SUPT3H: variants seen among roughly 807,000 people sequenced by gnomAD.
SUPT3H encodes the protein transcription initiation protein SPT3 homolog.
SUPT3H carries 44 observed loss-of-function variants against 44.3 expected under a neutral mutation model. That is an observed-to-expected ratio of 0.99 (90% CI 0.78 to 1.28). The LOEUF (loss-of-function observed/expected upper bound fraction) is 1.28, where lower values mean the gene tolerates loss of function less well. Among genes scored for constraint, SUPT3H ranks in the 50% most tolerant of loss-of-function variants. The pLI is 0.00. For synonymous variants in SUPT3H, 124 were observed against 125.6 expected, an observed-to-expected ratio of 0.99 and a Z score of 0.09; for missense variants, 380 against 387.1, an observed-to-expected ratio of 0.98 and a Z score of 0.15.
At chr6:44,858,953 G>GAA (rs927814490) in intron 10 of SUPT3H, among the ~76,000 whole-genome samples, 1 of 151,970 alleles carries the variant, frequency 6.6e-6, no homozygotes, top group Non-Finnish European at 1.5e-5. Flanking sequence ...AAAGATAAAA[G>GAA]AAAAAAAGAA....
intron 3 of SUPT3H, among the ~76,000 whole-genome samples, chr6:45,090,904 T>A (rs936016885): frequency 3.9e-5 from 6 of 152,028 alleles, no homozygotes; most frequent in Admixed American, 1.3e-4. Flanking sequence ...TCTAGTGATC[T>A]TCTTAATAAA....
intron 7 of SUPT3H, among the ~76,000 whole-genome samples, chr6:44,960,469 C>CAAACAAAA (rs1035595593): frequency 1.4e-5 from 2 of 139,010 alleles, no homozygotes; most frequent in Non-Finnish European, 3.2e-5. Context: ...CAAAAACAAA[C>CAAACAAAA]AAACAAAAAA....
At chr6:45,207,477 TG>T (rs1017824024) in intron 2 of SUPT3H, among the ~76,000 whole-genome samples, 4 of 152,116 alleles carry the variant, frequency 2.6e-5, no homozygotes, top group African/African-American at 9.7e-5. Context: ...AGCAAGGTAA[TG>T]GGATGGTAAA....
intron 5 of SUPT3H, among the ~76,000 whole-genome samples, chr6:45,014,144 T>C (rs1398514724): frequency 1.3e-5 from 2 of 152,112 alleles, no homozygotes; most frequent in African/African-American, 2.4e-5. Context: ...TTATAATTTC[T>C]ATCAACTGTT....
chr6:44,985,426 C>T (rs1428979614), intron 6 of SUPT3H, among the ~76,000 whole-genome samples: 3 of 151,728 alleles, frequency 2.0e-5, no homozygotes, highest in Non-Finnish European at 4.4e-5. Context: ...GATATAGAAT[C>T]TCCCAATTCA....
intron 2 of SUPT3H, among the ~76,000 whole-genome samples, chr6:45,349,502 A>C (rs1254616534): frequency 6.6e-6 from 1 of 152,200 alleles, no homozygotes; most frequent in Non-Finnish European, 1.5e-5. Flanking sequence ...TTTGAAAGGC[A>C]AATTGCTGAG....
intron 3 of SUPT3H, among the ~76,000 whole-genome samples, chr6:45,054,068 C>T (rs985772809): frequency 1.3e-5 from 2 of 151,830 alleles, no homozygotes; most frequent in Non-Finnish European, 2.9e-5. Context: ...TGCTAAGTTC[C>T]CTTCAGTTTA....
chr6:45,172,619 G>A (rs1403807472), intron 2 of SUPT3H, among the ~76,000 whole-genome samples: 1 of 146,488 alleles, frequency 6.8e-6, no homozygotes, highest in African/African-American at 2.5e-5. Flanking sequence ...TTGAAATGGA[G>A]TCTGCTCTGT....
At chr6:44,844,195 C>T (rs1771484259) in intron 10 of SUPT3H, among the ~76,000 whole-genome samples, 1 of 152,044 alleles carries the variant, frequency 6.6e-6, no homozygotes, top group Non-Finnish European at 1.5e-5. Context: ...CATCCATATG[C>T]AAAAAAGTGA....
rs140070231 is a variant in SUPT3H, at chr6:45,119,959, C to T, written c.102-13953G>A. Reference sequence around the variant, plus strand: ...TAGTTATGACAAAATGACAATGAGTCGATTATATCCATAATACATACTGAG... The same window carrying T: ...TAGTTATGACAAAATGACAATGAGTTGATTATATCCATAATACATACTGAG... On this transcript the variant is annotated intron_variant, in intron 2 of 10. Transcript: ENST00000371459. 2.9e-4 allele frequency among the ~76,000 whole-genome samples: 44 copies of T among 151,914 alleles called. 1 individual carries two copies. Among genetic ancestry groups the T allele is most frequent in the African/African-American group, 8.2e-4 (34 of 41,442 alleles).
chr6:45,368,890 A>G (rs1795583559), intron 1 of SUPT3H, among the ~76,000 whole-genome samples: 1 of 152,112 alleles, frequency 6.6e-6, no homozygotes, highest in South Asian at 2.1e-4. Flanking sequence ...TTAAGCCAAC[A>G]CTATTATGCA....
intron 6 of SUPT3H, among the ~76,000 whole-genome samples, chr6:44,985,603 G>C (rs1417596109): frequency 6.6e-6 from 1 of 151,966 alleles, no homozygotes; most frequent in South Asian, 2.1e-4. Context: ...GAATCAGAAG[G>C]GACATATTTA....
intron 2 of SUPT3H, among the ~76,000 whole-genome samples, chr6:45,327,677 A>G (rs1182355826): frequency 6.6e-6 from 1 of 151,936 alleles, no homozygotes; most frequent in African/African-American, 2.4e-5. Flanking sequence ...CACTTTCATG[A>G]CAGCCAATTA....
At chr6:45,141,338 C>CAAAAAAAAAAAAA (rs1162738855) in intron 2 of SUPT3H, among the ~76,000 whole-genome samples, 11 of 45,282 alleles carry the variant, frequency 2.4e-4, no homozygotes, top group Non-Finnish European at 3.1e-4. Context: ...GACTCCATCT[C>CAAAAAAAAAAAAA]AAAAAAAAAA....
Position 45,128,603 on chromosome 6 carries a change from C to T in SUPT3H, c.102-22597G>A, listed in dbSNP as rs1802918194. On this transcript the variant is annotated intron_variant, in intron 2 of 10. Transcript: ENST00000371459. The stretch of plus-strand genomic sequence containing the variant: ...ACACACATACACATATATATATATA[C>T]ACACATACACACACATATATATACA... Among the ~76,000 whole-genome samples the T allele has an allele frequency of 8.3e-5, 11 of 133,126 alleles. No homozygotes were observed. In the South Asian group the frequency reaches 2.7e-3, roughly 33 times the overall value. The allele number at this position is 133,126 out of a possible 152,430, so 87.3% of individuals were successfully genotyped here.
intron 10 of SUPT3H, among the ~76,000 whole-genome samples, chr6:44,840,018 A>G (rs1252572534): frequency 1.3e-5 from 2 of 152,214 alleles, no homozygotes; most frequent in Admixed American, 6.5e-5. Context: ...GTTTTTGACT[A>G]CTGAATTAAG....
At chr6:45,221,311 G>GTA (rs2153635578) in intron 2 of SUPT3H, among the ~76,000 whole-genome samples, 1 of 152,174 alleles carries the variant, frequency 6.6e-6, no homozygotes, top group East Asian at 1.9e-4. Context: ...CATGGCACTT[G>GTA]TATATATATG....
chr6:45,296,731 T>A (rs1781297091), intron 2 of SUPT3H, among the ~76,000 whole-genome samples: 3 of 60,194 alleles, frequency 5.0e-5, no homozygotes, highest in African/African-American at 1.5e-4. Context: ...AGAGTAAGAC[T>A]CTGTCTCAAA....
Position 45,321,292 on chromosome 6 carries a change from G to A in SUPT3H, c.101+43909C>T, listed in dbSNP as rs114077634. Among the ~76,000 whole-genome samples, 906 of 152,124 alleles carry A rather than the reference G, an allele frequency of 6.0e-3. 16 individuals carry two copies. Among genetic ancestry groups the A allele is most frequent in the African/African-American group, 0.021 (858 of 41,528 alleles). On this transcript the variant is annotated intron_variant, in intron 2 of 10. Coordinates refer to ENST00000371459, the MANE Select transcript of SUPT3H (RefSeq NM_003599.4). ...TTATACATGAGTGAATTTTCCTCAA[G>A]TATGATTTCCATTTGAAATCAAATT...
Sources: gnomAD v4.1 joint callset for allele counts (sites outside exome capture counted in the v4.1 genomes callset) on GRCh38, gnomAD v4.1.1 for gene constraint, MANE v1.5 for transcripts, NCBI Gene and HGNC (gene_info 2026-07-23, HGNC 2026-07-21) for gene names.